RAP1GAP2: variants seen among roughly 807,000 people sequenced by gnomAD.
RAP1GAP2 encodes rap1 GTPase-activating protein 2.
A neutral mutation model predicts 95.0 loss-of-function variants in RAP1GAP2; 27 were observed. That is an observed-to-expected ratio of 0.28 (90% CI 0.21 to 0.39). RAP1GAP2 has a LOEUF of 0.39. Ranked by LOEUF, RAP1GAP2 falls within the 10% of genes least tolerant of loss-of-function variation. RAP1GAP2 has a pLI of 1.00. For synonymous variants in RAP1GAP2, 373 were observed against 380.9 expected, an observed-to-expected ratio of 0.98 and a Z score of 0.24; for missense variants, 771 against 970.0, an observed-to-expected ratio of 0.79 and a Z score of 2.72.
At chr17:2,838,360 G>A (rs1034920275) in intron 2 of RAP1GAP2, among the ~76,000 whole-genome samples, 54 of 152,034 alleles carry the variant, frequency 3.6e-4, no homozygotes, top group African/African-American at 1.3e-3. Flanking sequence ...CAGTGGAGTG[G>A]TAGGTGTGGA....
chr17:3,021,397 T>G (rs2046952120), intron 19 of RAP1GAP2, among the ~76,000 whole-genome samples: 1 of 147,814 alleles, frequency 6.8e-6, no homozygotes, highest in Admixed American at 6.8e-5. Context: ...CTTTTTTAGC[T>G]CCCACATATG....
chr17:2,851,913 C>T (rs1052021431), intron 2 of RAP1GAP2, among the ~76,000 whole-genome samples: 3 of 152,212 alleles, frequency 2.0e-5, no homozygotes, highest in African/African-American at 4.8e-5. Context: ...CTCCCACACT[C>T]TCACCTGCTG....
At chr17:2,820,031 T>C (rs2070212735) in intron 2 of RAP1GAP2, among the ~76,000 whole-genome samples, 1 of 152,140 alleles carries the variant, frequency 6.6e-6, no homozygotes. Flanking sequence ...TTCTCCAACC[T>C]TGGCCTCCCA....
At chr17:2,800,855 CTTTTTT>C (rs869143308) in intron 2 of RAP1GAP2, among the ~76,000 whole-genome samples, 1 of 51,564 alleles carries the variant, frequency 1.9e-5, no homozygotes. Context: ...TTCTTTCTTT[CTTTTTT>C]TTTTTTTGAG....
Position 2,987,068 on chromosome 17 carries a change from G to T in RAP1GAP2, c.813+2002G>T, listed in dbSNP as rs2045581619. On this transcript the variant is annotated intron_variant, in intron 11 of 24. Coordinates refer to ENST00000254695, the MANE Select transcript of RAP1GAP2 (RefSeq NM_015085.5). ...TGTGACAGCCTCTCAGCTTTGCCTT[G>T]GTGGTGCAGAAGTAGCAATAGACAA... Among the ~76,000 whole-genome samples the T allele has an allele frequency of 2.6e-5, 4 of 152,166 alleles. No homozygotes were observed. In the South Asian group the frequency reaches 8.3e-4, roughly 31 times the overall value.
chr17:2,866,242 G>A lies in RAP1GAP2; in HGVS notation c.81-39042G>A, dbSNP rs572687076. ...GGCCAAGATAAAAAAACAGGGGCCC[G>A]CTCAGATCCCACCTTGGCTGTGGTG... On this transcript the variant is annotated intron_variant, in intron 2 of 24. Coordinates refer to ENST00000254695, the MANE Select transcript of RAP1GAP2 (RefSeq NM_015085.5). This position sits in a 1 kb window ranked among gnomAD's most constrained non-coding sequence, Gnocchi z 4.0. Among the ~76,000 whole-genome samples the A allele has an allele frequency of 2.0e-5, 3 of 152,344 alleles. No homozygotes were observed. The highest frequency in any genetic ancestry group is 1.9e-4 in the East Asian group (1 of 5,182).
chr17:2,820,891 G>GTTTTTTTTTTT lies in RAP1GAP2; in HGVS notation c.80+20341_80+20342insTTTTTTTTTTT, dbSNP rs1475267891. On this transcript the variant is annotated intron_variant, in intron 2 of 24. Transcript: ENST00000254695. ...TGCCCGCCACCACGGCCCGGATAAT[G>GTTTTTTTTTTT]GTTTTTTTTTTTTTTTTTGTATTTT... Among the ~76,000 whole-genome samples the GTTTTTTTTTTT allele has an allele frequency of 9.8e-4, 112 of 113,982 alleles. 2 individuals carry two copies. The highest frequency in any genetic ancestry group is 1.9e-3 in the South Asian group (6 of 3,126). 74.8% of individuals were successfully genotyped at this position (113,982 alleles called of 152,430 possible).
chr17:3,015,548 G>A (rs569592340), intron 17 of RAP1GAP2, among the ~76,000 whole-genome samples: 1 of 152,166 alleles, frequency 6.6e-6, no homozygotes, highest in African/African-American at 2.4e-5. Context: ...GCTGGGCGTG[G>A]TGGCTCACGC....
At chr17:2,868,773 C>A (rs1285371341) in intron 2 of RAP1GAP2, among the ~76,000 whole-genome samples, 1 of 152,144 alleles carries the variant, frequency 6.6e-6, no homozygotes, top group Non-Finnish European at 1.5e-5. Context: ...CCTGCCTTGG[C>A]CTCCCAAAAT....
At chr17:2,961,890 ATTT>A (rs34857082) in intron 4 of RAP1GAP2, among the ~76,000 whole-genome samples, 69 of 111,946 alleles carry the variant, frequency 6.2e-4, no homozygotes, top group Non-Finnish European at 4.8e-4. Flanking sequence ...GACCCTAAGG[ATTT>A]TTTTTTTTTT....
chr17:2,776,796 G>C (rs2068511155), upstream of RAP1GAP2, among the ~76,000 whole-genome samples: 1 of 150,780 alleles, frequency 6.6e-6, no homozygotes, highest in African/African-American at 2.4e-5. Flanking sequence ...GTGCGCGGCA[G>C]GACTGCTGCG....
At position 3,005,452 on chromosome 17, in the gene RAP1GAP2, T is replaced by C; in HGVS notation, c.1272+12T>C. The C allele has an allele frequency of 1.2e-6, 2 of 1,608,304 alleles. No individual in the cohort carries two copies. The highest frequency in any genetic ancestry group is 1.7e-6 in the Non-Finnish European group (2 of 1,174,700). Reference sequence around the variant, plus strand: ...CCGTTTTCCAGAAGGTAGGACACTCTTCCTTCTGCCCCTCTCGCATCCACG... The same window carrying C: ...CCGTTTTCCAGAAGGTAGGACACTCCTCCTTCTGCCCCTCTCGCATCCACG... On this transcript the variant is annotated intron_variant, in intron 15 of 24. Transcript: ENST00000254695. The surrounding 1 kb of genome is among the most constrained non-coding windows in gnomAD (Gnocchi z 5.2).
At chr17:2,985,316 C>G (rs779538167) in intron 11 of RAP1GAP2, among the ~76,000 whole-genome samples, 1 of 151,774 alleles carries the variant, frequency 6.6e-6, no homozygotes, top group East Asian at 1.9e-4. Flanking sequence ...CTCATTCTTC[C>G]TGGCTGCCTC....
chr17:2,985,161 G>T, intron 11 of RAP1GAP2, 95 bp downstream of exon 11: 2 of 1,552,846 alleles, frequency 1.3e-6, no homozygotes, highest in Non-Finnish European at 1.7e-6. Flanking sequence ...CCTGACCTGC[G>T]TTCTGAAGCA....
chr17:2,951,354 C>T (rs915137944), intron 3 of RAP1GAP2, among the ~76,000 whole-genome samples: 2 of 152,206 alleles, frequency 1.3e-5, no homozygotes, highest in African/African-American at 4.8e-5. Context: ...GATCTTGTGT[C>T]TTGCAAAAAG....
At chr17:2,936,001 AT>A (rs780199361) in intron 3 of RAP1GAP2, among the ~76,000 whole-genome samples, 11 of 152,056 alleles carry the variant, frequency 7.2e-5, no homozygotes, top group Non-Finnish European at 1.3e-4. Flanking sequence ...GAGAGGTCTC[AT>A]TTAGAGGCTC....
chr17:2,782,864 A>T (rs2068689896), intron 1 of RAP1GAP2, among the ~76,000 whole-genome samples: 1 of 152,102 alleles, frequency 6.6e-6, no homozygotes. Flanking sequence ...AAAAATACAA[A>T]AAATTACCCG....
chr17:2,886,275 C>T (rs1310819097), intron 2 of RAP1GAP2, among the ~76,000 whole-genome samples: 2 of 150,766 alleles, frequency 1.3e-5, no homozygotes, highest in African/African-American at 4.9e-5. Context: ...CAGATTTAAG[C>T]GATTCTTTTG....
chr17:2,833,731 A>G (rs2071011885), intron 2 of RAP1GAP2, among the ~76,000 whole-genome samples: 1 of 151,314 alleles, frequency 6.6e-6, no homozygotes, highest in South Asian at 2.1e-4. Context: ...CACAGTGGAC[A>G]TCCTCATAGT....
Sources: gnomAD v4.1 joint callset for allele counts (sites outside exome capture counted in the v4.1 genomes callset) on GRCh38, gnomAD v4.1.1 for gene constraint, Gnocchi (gnomAD v3.1) non-coding constraint, MANE v1.5 for transcripts, NCBI Gene and HGNC (gene_info 2026-07-23, HGNC 2026-07-21) for gene names.